USP15: variants seen among roughly 807,000 people sequenced by gnomAD.
USP15 encodes the protein ubiquitin carboxyl-terminal hydrolase 15.
In USP15, 18 loss-of-function variants were observed where a neutral mutation model predicts 127.1. That is an observed-to-expected ratio of 0.14 (90% CI 0.10 to 0.21). The LOEUF (loss-of-function observed/expected upper bound fraction) is 0.21. USP15 is among the 10% of genes least tolerant of loss of function. USP15 has a pLI of 1.00. For missense variants in USP15, 805 were observed against 1,159.9 expected (o/e 0.69, Z 4.44); for synonymous variants, 364 against 393.7 (o/e 0.92, Z 0.89).
chr12:62,348,903 A>T (rs1225622655), intron 6 of USP15, among the ~76,000 whole-genome samples: 1 of 152,164 alleles, frequency 6.6e-6, no homozygotes, highest in Non-Finnish European at 1.5e-5. Context: ...GACTGATGGA[A>T]ATTGATCGTA....
chr12:62,297,791 C>T (rs538053498), intron 2 of USP15, among the ~76,000 whole-genome samples: 2 of 152,036 alleles, frequency 1.3e-5, no homozygotes, highest in African/African-American at 2.4e-5. Context: ...ATCAGGGAAA[C>T]GTGACACAAA....
Position 62,302,821 on chromosome 12 carries a change from T to C in USP15, c.249T>C (p.Leu83=). Residue 83 remains leucine (L), a synonymous_variant, in exon 3 of 22, where the codon CTT becomes CTC. Coordinates refer to ENST00000280377, the MANE Select transcript of USP15 (RefSeq NM_001252078.2). ...DGDAQSLKEH[L]IDELDYILLP... ...ATGCCCAGTCACTTAAGGAACACCTTATTGATGAATTGGATTACATACTGT... is the reference window on the plus strand; with the variant it reads ...ATGCCCAGTCACTTAAGGAACACCTCATTGATGAATTGGATTACATACTGT... 1.2e-6 allele frequency: 2 copies of C among 1,612,294 alleles called. No individual in the cohort carries two copies. The highest frequency in any genetic ancestry group is 1.7e-6 in the Non-Finnish European group (2 of 1,178,794).
intron 3 of USP15, among the ~76,000 whole-genome samples, chr12:62,313,759 C>T (rs562842348): frequency 7.3e-4 from 111 of 151,702 alleles, no homozygotes; most frequent in African/African-American, 2.7e-3. Context: ...AAAATTGTAA[C>T]AAGTATGATT....
intron 8 of USP15, among the ~76,000 whole-genome samples, chr12:62,362,037 A>G (rs1276309803): frequency 6.6e-6 from 1 of 151,968 alleles, no homozygotes; most frequent in Non-Finnish European, 1.5e-5. Context: ...ATTGTTTTTC[A>G]CTTAATTTTC....
intron 8 of USP15, 109 bp downstream of exon 8, chr12:62,355,584 A>T (rs1050563097): frequency 1.6e-6 from 2 of 1,216,496 alleles, no homozygotes; most frequent in Non-Finnish European, 2.2e-6. Flanking sequence ...TTGAAAGTTC[A>T]TTTTTCATGG....
chr12:62,295,232 A>T (rs1263551317), intron 2 of USP15, among the ~76,000 whole-genome samples: 1 of 152,226 alleles, frequency 6.6e-6, no homozygotes, highest in Non-Finnish European at 1.5e-5. Context: ...CACTGAAAAG[A>T]AGGAACAATC....
chr12:62,364,252 C>T (rs1037532058), intron 8 of USP15, among the ~76,000 whole-genome samples: 8 of 152,132 alleles, frequency 5.3e-5, no homozygotes, highest in South Asian at 2.1e-4. Flanking sequence ...GATTCTCTGA[C>T]GGCTTCCATT....
chr12:62,375,310 A>C (rs2066792095), intron 8 of USP15, among the ~76,000 whole-genome samples: 2 of 152,152 alleles, frequency 1.3e-5, no homozygotes, highest in Non-Finnish European at 2.9e-5. Context: ...TTTATTTTTG[A>C]ACATGGAGAA....
chr12:62,320,511 A>G (rs947423301), intron 4 of USP15, among the ~76,000 whole-genome samples: 15 of 152,174 alleles, frequency 9.9e-5, no homozygotes, highest in Admixed American at 3.3e-4. Flanking sequence ...AAGTACTAAC[A>G]GTATATTTAT....
chr12:62,324,112 T>G (rs1431345937), intron 5 of USP15, among the ~76,000 whole-genome samples: 1 of 152,020 alleles, frequency 6.6e-6, no homozygotes, highest in Non-Finnish European at 1.5e-5. Flanking sequence ...CTCTCCTTTT[T>G]GTGTGGGTTT....
chr12:62,327,909 A>G (rs2065177055), intron 6 of USP15: 1 of 228,204 alleles, frequency 4.4e-6, no homozygotes, highest in Non-Finnish European at 8.9e-6. Context: ...AATCTAAGAA[A>G]TACTATGCAG....
chr12:62,350,886 A>C (rs1470933621), intron 7 of USP15, among the ~76,000 whole-genome samples: 1 of 152,088 alleles, frequency 6.6e-6, no homozygotes, highest in East Asian at 1.9e-4. Context: ...TCAGCCTCCC[A>C]AGTGCTGAGA....
At chr12:62,308,569 G>A (rs1405695668) in intron 3 of USP15, among the ~76,000 whole-genome samples, 15 of 152,038 alleles carry the variant, frequency 9.9e-5, no homozygotes, top group Non-Finnish European at 4.4e-5. Flanking sequence ...CCTATAGAGA[G>A]ACTCACATAA....
At chr12:62,297,321 C>A (rs2064160236) in intron 2 of USP15, among the ~76,000 whole-genome samples, 1 of 152,036 alleles carries the variant, frequency 6.6e-6, no homozygotes, top group African/African-American at 2.4e-5. Flanking sequence ...CCCCAGTGTT[C>A]CAGTCTTTCA....
At chr12:62,302,275 C>T (rs1364229075) in intron 2 of USP15, among the ~76,000 whole-genome samples, 2 of 152,084 alleles carry the variant, frequency 1.3e-5, no homozygotes. Context: ...AATATTGTTA[C>T]CATATGAGGG....
intron 21 of USP15, among the ~76,000 whole-genome samples, chr12:62,402,249 G>T (rs112860699): frequency 0.043 from 6,538 of 151,600 alleles, 186 homozygotes; most frequent in African/African-American, 0.063. Context: ...GATATATATA[G>T]AGAGAGAGAG....
intron 3 of USP15, chr12:62,314,078 A>C (rs982936836): frequency 2.5e-6 from 2 of 812,796 alleles, no homozygotes; most frequent in African/African-American, 3.7e-5. Context: ...CTTAATATAT[A>C]CATATTTCCT....
intron 1 of USP15, among the ~76,000 whole-genome samples, chr12:62,267,897 T>A (rs1336670384): frequency 2.0e-5 from 3 of 152,182 alleles, no homozygotes; most frequent in Non-Finnish European, 4.4e-5. Context: ...TTTACCCATA[T>A]GTTTTTACAG....
chr12:62,288,831 C>T (rs1202884524), intron 1 of USP15, among the ~76,000 whole-genome samples: 2 of 151,984 alleles, frequency 1.3e-5, no homozygotes, highest in African/African-American at 2.4e-5. Context: ...GCTGTTTTTG[C>T]GTCTATTGAG....
Sources: allele counts gnomAD v4.1 joint callset (sites outside exome capture counted in the v4.1 genomes callset), GRCh38; gene constraint gnomAD v4.1.1; transcripts MANE v1.5; gene names NCBI Gene and HGNC (gene_info 2026-07-23, HGNC 2026-07-21).